The following MCM5 variants were observed in gnomAD, a reference collection of about 807,000 sequenced individuals.
MCM5 encodes minichromosome maintenance complex component 5, also known as DNA replication licensing factor MCM5.
MCM5 carries 46 observed loss-of-function variants against 79.9 expected under a neutral mutation model. The ratio of observed to expected loss-of-function variants is 0.58; its 90% CI spans 0.45 to 0.74. The LOEUF is 0.74. Ranked by LOEUF, MCM5 falls within the 30% of genes least tolerant of loss-of-function variation. The probability of loss-of-function intolerance (pLI) is 0.00; values close to 1 mark genes in which losing one functional copy is unlikely to be tolerated. For missense variants in MCM5, 883 were observed against 1,017.0 expected, an observed-to-expected ratio of 0.87 and a Z score of 1.79; for synonymous variants, 404 against 390.5, an observed-to-expected ratio of 1.03 and a Z score of -0.41.
chr22:35,454,260 C>A, the MCM5 span, among the ~76,000 whole-genome samples: 1 of 152,116 alleles, frequency 6.6e-6, no homozygotes, highest in East Asian at 1.9e-4. Context: ...CACGTTGTCT[C>A]CAGGACAGGG....
In MCM5 at chr22:35,406,587, GCAT is replaced by G; in HGVS notation, c.466_468del (p.Ile156del). The stretch of plus-strand genomic sequence containing the variant: ...ATGTCACACCTGGTGAAGATCCCTG[GCAT>G]CATCATCGCGGCCTCTGCGGTCCGT... On this transcript the variant is annotated inframe_deletion, in exon 5 of 17. Coordinates refer to ENST00000216122, the MANE Select transcript of MCM5 (RefSeq NM_006739.4). The G allele has an allele frequency of 1.2e-6, 2 of 1,613,840 alleles. No homozygotes were observed. The highest frequency in any genetic ancestry group is 1.1e-5 in the South Asian group (1 of 91,068).
intron 1 of MCM5, 101 bp from the exon 2 acceptor site, chr22:35,400,330 G>T: frequency 1.5e-6 from 2 of 1,355,654 alleles, no homozygotes; most frequent in South Asian, 2.4e-5. Context: ...CGCGGCCGGG[G>T]GTCCCCCTGC....
At chr22:35,402,692 T>C (rs1439249670) in intron 2 of MCM5, among the ~76,000 whole-genome samples, 2 of 152,108 alleles carry the variant, frequency 1.3e-5, no homozygotes, top group African/African-American at 2.4e-5. Context: ...TACAGGCGTA[T>C]GCTACCATGC....
At position 35,410,731 on chromosome 22, in the gene MCM5, A is replaced by G. The variant is rs769511459; in HGVS notation, c.753-13A>G. ...TCTCAGCTTTTCTCCTTTCTCCTCT[A>G]CCCTCCTCTCAGGTACCTGTGTGAC... On this transcript the variant is annotated splice_polypyrimidine_tract_variant and intron_variant, in intron 6 of 16. Coordinates refer to ENST00000216122, the MANE Select transcript of MCM5 (RefSeq NM_006739.4). 2 of 1,612,754 alleles carry G rather than the reference A, an allele frequency of 1.2e-6. No homozygotes were observed. Among genetic ancestry groups the G allele is most frequent in the African/African-American group, 1.3e-5 (1 of 74,776 alleles).
chr22:35,436,513 C>A, the MCM5 span, among the ~76,000 whole-genome samples: 1 of 152,214 alleles, frequency 6.6e-6, no homozygotes, highest in African/African-American at 2.4e-5. Context: ...TATGAGGGGG[C>A]CCTGCTGTTT....
rs1932757084 is a variant in MCM5 at position 35,424,287 on chromosome 22, C to A, written c.*32C>A. The A allele has an allele frequency of 1.4e-6, 2 of 1,458,292 alleles. No individual in the cohort carries two copies. The highest frequency in any genetic ancestry group is 1.9e-6 in the Non-Finnish European group (2 of 1,074,136). The allele number at this position is 1,458,292 out of a possible 1,614,324, so 90.3% of individuals were successfully genotyped here. A position where few individuals can be genotyped will look rare whatever the true frequency, so the allele number is the denominator to read the frequency against. On this transcript the variant is annotated 3_prime_UTR_variant, in exon 17 of 17. Coordinates refer to ENST00000216122, the MANE Select transcript of MCM5 (RefSeq NM_006739.4). ...CCGCCTCACTGGACTCATGGACTCG[C>A]CCACGCCTCGCCCCTCCTGCCGCTG...
chr22:35,434,879 C>T, the MCM5 span, among the ~76,000 whole-genome samples: 2,524 of 151,988 alleles, frequency 0.017, 59 homozygotes, highest in South Asian at 0.084. Flanking sequence ...AGGCAGGGCG[C>T]GGTGGCTCAC....
At chr22:35,423,603 A>G (rs769260257) in intron 16 of MCM5, 1 of 319,924 alleles carries the variant, frequency 3.1e-6, no homozygotes, top group Non-Finnish European at 5.7e-6. Flanking sequence ...GAAACCCCAT[A>G]CAAGTTCCCC....
At chr22:35,448,339 G>T in the MCM5 span, among the ~76,000 whole-genome samples, 2 of 152,136 alleles carry the variant, frequency 1.3e-5, no homozygotes, top group Non-Finnish European at 2.9e-5. Flanking sequence ...AGCCTCCTTT[G>T]TCTCCCTCTG....
At chr22:35,440,241 T>C in the MCM5 span, among the ~76,000 whole-genome samples, 5 of 152,214 alleles carry the variant, frequency 3.3e-5, no homozygotes, top group Non-Finnish European at 5.9e-5. Flanking sequence ...GGGACTTGGC[T>C]TAGAGAAAGA....
Position 35,408,392 on chromosome 22 carries a change from C to G in MCM5, c.597-16C>G, listed in dbSNP as rs767087037. ...TCCAGGTAGCTTTGGTGACTCTTTT[C>G]CCTTACCTTGTACAGAGATCAGGCT... On this transcript the variant is annotated splice_polypyrimidine_tract_variant and intron_variant, in intron 5 of 16. Coordinates refer to ENST00000216122, the MANE Select transcript of MCM5 (RefSeq NM_006739.4). The G allele has an allele frequency of 1.2e-6, 2 of 1,607,958 alleles. No individual in the cohort carries two copies. The highest frequency in any genetic ancestry group is 1.7e-6 in the Non-Finnish European group (2 of 1,175,158).
At chr22:35,431,323 G>A in the MCM5 span, among the ~76,000 whole-genome samples, 1 of 152,176 alleles carries the variant, frequency 6.6e-6, no homozygotes, top group Non-Finnish European at 1.5e-5. Flanking sequence ...CACGGAGCCG[G>A]GGTCCAAACC....
At position 35,413,979 on chromosome 22, in the gene MCM5, C is replaced by T; in HGVS notation, c.1196C>T (p.Pro399Leu). 6.2e-7 allele frequency: 1 copy of T among 1,612,512 alleles called. No individual in the cohort carries two copies. Among genetic ancestry groups the T allele is most frequent in the East Asian group, 2.2e-5 (1 of 44,876 alleles). ...CTGAAGTTTGTGGAGAAGTGTTCTC[C>T]CATTGGGGTGAGTGGCCTGGGATAC... is the stretch of plus-strand genomic sequence containing the variant. ...QLLKFVEKCS[P>L]IGVYTSGKGS... Residue 399 changes from proline (P) to leucine (L), a missense_variant, in exon 9 of 17, where the codon CCC becomes CTC. Transcript: ENST00000216122.
intron 14 of MCM5, among the ~76,000 whole-genome samples, chr22:35,420,648 C>T (rs554580236): frequency 6.6e-6 from 1 of 152,364 alleles, no homozygotes; most frequent in East Asian, 1.9e-4. Flanking sequence ...GCCGCTAGAA[C>T]TTCAGCCATC....
At chr22:35,403,085 G>A (rs1181472248) in intron 2 of MCM5, 122 bp from the exon 3 acceptor site, 3 of 1,163,114 alleles carry the variant, frequency 2.6e-6, no homozygotes, top group Non-Finnish European at 1.2e-6. Flanking sequence ...TTGGGAAGAG[G>A]AATGGTGAGG....
chr22:35,439,063 T>TCATCCATC, the MCM5 span, among the ~76,000 whole-genome samples: 2 of 108,392 alleles, frequency 1.8e-5, no homozygotes, highest in Non-Finnish European at 3.8e-5. Context: ...ACCCACATAT[T>TCATCCATC]CATCCATCCA....
the MCM5 span, among the ~76,000 whole-genome samples, chr22:35,437,010 C>T: frequency 6.9e-6 from 1 of 145,926 alleles, no homozygotes; most frequent in African/African-American, 2.5e-5. Flanking sequence ...ATGAGGAGGC[C>T]ATTGGCCTGG....
chr22:35,437,258 C>A, the MCM5 span, among the ~76,000 whole-genome samples: 1 of 152,218 alleles, frequency 6.6e-6, no homozygotes, highest in African/African-American at 2.4e-5. Flanking sequence ...AATGCCCCAT[C>A]CCCTGGCCTA....
At chr22:35,438,559 T>TCATC in the MCM5 span, among the ~76,000 whole-genome samples, 40,687 of 82,990 alleles carry the variant, frequency 0.49, 10,585 homozygotes, top group Middle Eastern at 0.63. Flanking sequence ...ACTCACATAT[T>TCATC]CATCCATCCA....
Sources: allele counts gnomAD v4.1 joint callset (sites outside exome capture counted in the v4.1 genomes callset), GRCh38; gene constraint gnomAD v4.1.1; transcripts MANE v1.5; gene names NCBI Gene and HGNC (gene_info 2026-07-23, HGNC 2026-07-21).